The following ASF1B variants were observed in gnomAD, a reference collection of about 807,000 sequenced individuals.
ASF1B encodes the protein histone chaperone ASF1B.
In ASF1B, 10 loss-of-function variants were observed where a neutral mutation model predicts 16.6. That is an observed-to-expected ratio of 0.60 (90% CI 0.37 to 1.02). The LOEUF (loss-of-function observed/expected upper bound fraction) is 1.02, where lower values mean the gene tolerates loss of function less well. Among genes scored for constraint, ASF1B ranks in the 50% least tolerant of loss-of-function variants. ASF1B has a pLI of 0.01. For synonymous variants in ASF1B, 101 were observed against 106.2 expected (o/e 0.95, Z 0.30); for missense variants, 240 against 266.0 (o/e 0.90, Z 0.68).
intron 1 of ASF1B, among the ~76,000 whole-genome samples, chr19:14,127,874 G>A (rs539058480): frequency 1.2e-4 from 19 of 152,296 alleles, no homozygotes; most frequent in Admixed American, 2.0e-4. Context: ...CTGACCTCAG[G>A]TCATCCATCC....
At chr19:14,130,732 G>A (rs369748662) in intron 1 of ASF1B, among the ~76,000 whole-genome samples, 21 of 150,896 alleles carry the variant, frequency 1.4e-4, no homozygotes, top group East Asian at 9.7e-4. Flanking sequence ...ATCTCTCTGC[G>A]CTAACTTCAC....
chr19:14,124,167 T>C (rs1261256852), intron 2 of ASF1B, among the ~76,000 whole-genome samples: 1 of 152,022 alleles, frequency 6.6e-6, no homozygotes, highest in African/African-American at 2.4e-5. Flanking sequence ...GTTAATGTTT[T>C]TTTTGTAGAG....
chr19:14,124,178 A>G (rs1483436047), intron 2 of ASF1B, among the ~76,000 whole-genome samples: 1 of 151,716 alleles, frequency 6.6e-6, no homozygotes, highest in East Asian at 1.9e-4. Context: ...TTTTGTAGAG[A>G]CAGGTCTCGC....
chr19:14,134,300 C>G (rs938088720), intron 1 of ASF1B, among the ~76,000 whole-genome samples: 10 of 152,044 alleles, frequency 6.6e-5, no homozygotes, highest in Admixed American at 5.2e-4. Flanking sequence ...GGATTTAACT[C>G]GGCATATTCT....
intron 2 of ASF1B, 146 bp from the exon 3 acceptor site, chr19:14,121,854 G>T (rs146280670): frequency 9.9e-6 from 7 of 708,918 alleles, no homozygotes; most frequent in Non-Finnish European, 1.5e-5. Flanking sequence ...TGCCTCTCGG[G>T]TTCAAACAAT....
intron 1 of ASF1B, among the ~76,000 whole-genome samples, chr19:14,128,973 C>T (rs548021571): frequency 6.6e-6 from 1 of 152,282 alleles, no homozygotes; most frequent in South Asian, 2.1e-4. Flanking sequence ...AGTGTACCCA[C>T]GAGCACCTGA....
intron 1 of ASF1B, among the ~76,000 whole-genome samples, chr19:14,131,433 G>A (rs1444143067): frequency 6.0e-5 from 9 of 150,752 alleles, no homozygotes; most frequent in African/African-American, 9.8e-5. Flanking sequence ...CATCCGCCTC[G>A]GCCTCCCAAA....
chr19:14,124,649 T>C (rs1282835877), intron 2 of ASF1B, among the ~76,000 whole-genome samples: 1 of 152,200 alleles, frequency 6.6e-6, no homozygotes, highest in African/African-American at 2.4e-5. Flanking sequence ...CTACCATGCC[T>C]GTTCCCACCT....
intron 1 of ASF1B, among the ~76,000 whole-genome samples, chr19:14,127,530 T>C (rs12327828): frequency 0.19 from 29,473 of 152,066 alleles, 3,627 homozygotes; most frequent in African/African-American, 0.35. Flanking sequence ...GAAGGTGAGG[T>C]TGCTCAGGGA....
Position 14,120,213 on chromosome 19 carries a change from G to A in ASF1B, c.*246C>T. 4.1e-6 allele frequency: 2 copies of A among 488,834 alleles called. No individual in the cohort carries two copies. Among genetic ancestry groups the A allele is most frequent in the Non-Finnish European group, 7.2e-6 (2 of 278,002 alleles). 30.3% of individuals were successfully genotyped at this position (488,834 alleles called of 1,614,324 possible). ...GGCCTTAGTTAGAATTTATGAAGAC[G>A]AAAAGAACACAAGTCAGAATTTAGA... On this transcript the variant is annotated 3_prime_UTR_variant, in exon 4 of 4. Coordinates refer to ENST00000263382, the MANE Select transcript of ASF1B (RefSeq NM_018154.3).
intron 2 of ASF1B, among the ~76,000 whole-genome samples, 196 bp from the exon 3 acceptor site, chr19:14,121,904 C>T (rs1372821150): frequency 6.6e-6 from 1 of 151,878 alleles, no homozygotes; most frequent in African/African-American, 2.4e-5. Context: ...TACAGGCACA[C>T]ACCACCACAC....
intron 2 of ASF1B, among the ~76,000 whole-genome samples, chr19:14,124,328 A>T (rs376914128): frequency 6.6e-6 from 1 of 151,684 alleles, no homozygotes; most frequent in East Asian, 1.9e-4. Context: ...TAATTTTTCT[A>T]TTTTTTGTAG....
At chr19:14,131,189 C>CT (rs917061483) in intron 1 of ASF1B, among the ~76,000 whole-genome samples, 3,117 of 117,680 alleles carry the variant, frequency 0.026, 90 homozygotes, top group African/African-American at 0.085. Context: ...TTTTTTTTTT[C>CT]TTTTTTTTTT....
chr19:14,122,731 G>A (rs1182146756), intron 2 of ASF1B, among the ~76,000 whole-genome samples: 1 of 152,196 alleles, frequency 6.6e-6, no homozygotes, highest in African/African-American at 2.4e-5. Context: ...GTGGCAGGGA[G>A]AGGTGCGTGG....
chr19:14,131,189 CT>C (rs917061483), intron 1 of ASF1B, among the ~76,000 whole-genome samples: 225 of 117,474 alleles, frequency 1.9e-3, no homozygotes, highest in Middle Eastern at 0.013. Flanking sequence ...TTTTTTTTTT[CT>C]TTTTTTTTTT....
intron 2 of ASF1B, among the ~76,000 whole-genome samples, chr19:14,124,674 C>T (rs920179643): frequency 2.0e-5 from 3 of 152,162 alleles, no homozygotes; most frequent in African/African-American, 2.4e-5. Flanking sequence ...TTACCTACCA[C>T]GCCTGTTCCC....
At chr19:14,132,174 C>T (rs1967415889) in intron 1 of ASF1B, among the ~76,000 whole-genome samples, 1 of 151,918 alleles carries the variant, frequency 6.6e-6, no homozygotes. Flanking sequence ...ACCACAGACA[C>T]GTGCCACCAA....
At chr19:14,124,011 T>C (rs1967281695) in intron 2 of ASF1B, among the ~76,000 whole-genome samples, 1 of 151,796 alleles carries the variant, frequency 6.6e-6, no homozygotes, top group African/African-American at 2.4e-5. Context: ...AGGCTAGTCT[T>C]TAACTCCTGA....
At chr19:14,121,801 C>T in intron 2 of ASF1B, 93 bp from the exon 3 acceptor site, 1 of 1,191,974 alleles carries the variant, frequency 8.4e-7, no homozygotes, top group Non-Finnish European at 1.1e-6. Flanking sequence ...ATTTACTGAG[C>T]AAAAAGTATG....
Sources: gnomAD v4.1 joint callset for allele counts (sites outside exome capture counted in the v4.1 genomes callset) on GRCh38, gnomAD v4.1.1 for gene constraint, MANE v1.5 for transcripts, NCBI Gene and HGNC (gene_info 2026-07-23, HGNC 2026-07-21) for gene names.